NBEA: variants seen among roughly 807,000 people sequenced by gnomAD.
NBEA encodes neurobeachin.
In NBEA, 44 loss-of-function variants were observed where a neutral mutation model predicts 343.4. That is an observed-to-expected ratio of 0.13 (90% confidence interval 0.10 to 0.16). The LOEUF is 0.16. Among genes scored for constraint, NBEA ranks in the 10% least tolerant of loss-of-function variants. NBEA has a pLI of 1.00. For missense variants in NBEA, 2,555 were observed against 3,631.3 expected (o/e 0.70, Z 7.62); for synonymous variants, 1,175 against 1,238.7 (o/e 0.95, Z 1.08).
At chr13:35,504,753 C>T (rs1389221502) in intron 41 of NBEA, among the ~76,000 whole-genome samples, 3 of 151,884 alleles carry the variant, frequency 2.0e-5, no homozygotes, top group South Asian at 2.1e-4. Context: ...GGATTATAGG[C>T]GTGCCCCCAT....
chr13:35,215,503 G>A (rs1237209908), intron 33 of NBEA, among the ~76,000 whole-genome samples: 1 of 151,598 alleles, frequency 6.6e-6, no homozygotes, highest in African/African-American at 2.4e-5. Flanking sequence ...TATAGGAAAT[G>A]CAAATTAATT....
chr13:35,437,402 C>G (rs758433097), intron 39 of NBEA, among the ~76,000 whole-genome samples: 2 of 152,034 alleles, frequency 1.3e-5, no homozygotes, highest in Admixed American at 6.6e-5. Context: ...ATTATTAAAA[C>G]TTGGTTGACC....
intron 1 of NBEA, among the ~76,000 whole-genome samples, chr13:35,039,315 G>C (rs191482960): frequency 3.9e-5 from 6 of 152,240 alleles, no homozygotes; most frequent in Admixed American, 3.3e-4. Flanking sequence ...GTTAAAACCA[G>C]GTTCTGTGGG....
At chr13:35,222,559 AT>A (rs1360996290) in intron 33 of NBEA, among the ~76,000 whole-genome samples, 1 of 151,698 alleles carries the variant, frequency 6.6e-6, no homozygotes, top group African/African-American at 2.4e-5. Context: ...TTAATGGAGT[AT>A]TTTTTTTATT....
intron 1 of NBEA, among the ~76,000 whole-genome samples, chr13:34,981,352 A>G (rs2152506974): frequency 6.6e-6 from 1 of 152,288 alleles, no homozygotes; most frequent in Non-Finnish European, 1.5e-5. Context: ...TGATATGAAC[A>G]TTTGCATCTA....
At chr13:35,344,285 C>T (rs901724834) in intron 36 of NBEA, among the ~76,000 whole-genome samples, 4 of 151,740 alleles carry the variant, frequency 2.6e-5, no homozygotes, top group Non-Finnish European at 5.9e-5. Context: ...AATCTATTTG[C>T]GTAAAAGCTT....
intron 35 of NBEA, among the ~76,000 whole-genome samples, chr13:35,291,280 C>G (rs1272354592): frequency 6.6e-6 from 1 of 151,898 alleles, no homozygotes; most frequent in Non-Finnish European, 1.5e-5. Context: ...TTCCTAATTA[C>G]TGGCCTGAGG....
At chr13:35,587,292 C>CT (rs2081333420) in intron 46 of NBEA, among the ~76,000 whole-genome samples, 1 of 152,156 alleles carries the variant, frequency 6.6e-6, no homozygotes, top group Admixed American at 6.5e-5. Flanking sequence ...ATTTCTTAAG[C>CT]TACACAGTCA....
intron 49 of NBEA, among the ~76,000 whole-genome samples, chr13:35,639,505 G>C (rs999858485): frequency 6.6e-6 from 1 of 151,972 alleles, no homozygotes; most frequent in Non-Finnish European, 1.5e-5. Flanking sequence ...ATTGCAGGTG[G>C]AACAGAAAGA....
At chr13:35,580,985 A>G (rs575407833) in intron 45 of NBEA, among the ~76,000 whole-genome samples, 4 of 152,354 alleles carry the variant, frequency 2.6e-5, no homozygotes, top group Admixed American at 6.5e-5. Flanking sequence ...TCCTTTTTAA[A>G]GAATGTTTTG....
At chr13:35,322,186 G>A (rs559810798) in intron 36 of NBEA, among the ~76,000 whole-genome samples, 20 of 152,120 alleles carry the variant, frequency 1.3e-4, no homozygotes, top group African/African-American at 4.3e-4. Flanking sequence ...CTGCCCAAAC[G>A]GCTGTCCAGT....
chr13:35,530,174 C>T (rs1272645724), intron 41 of NBEA, among the ~76,000 whole-genome samples: 2 of 152,200 alleles, frequency 1.3e-5, no homozygotes, highest in Non-Finnish European at 2.9e-5. Context: ...TTTTTAATTA[C>T]TGTGTAAAAA....
chr13:35,081,806 C>G (rs117452175), intron 10 of NBEA, among the ~76,000 whole-genome samples: 6,951 of 151,704 alleles, frequency 0.046, 239 homozygotes, highest in Non-Finnish European at 0.067. Context: ...AAATACTTTG[C>G]GAAATTTATA....
At chr13:35,470,555 A>G (rs902115288) in intron 40 of NBEA, among the ~76,000 whole-genome samples, 3 of 152,212 alleles carry the variant, frequency 2.0e-5, no homozygotes, top group African/African-American at 7.2e-5. Context: ...GTTTTTAGCA[A>G]TGCCCAACAA....
intron 1 of NBEA, among the ~76,000 whole-genome samples, chr13:35,008,100 A>C (rs983422153): frequency 6.6e-6 from 1 of 152,068 alleles, no homozygotes; most frequent in African/African-American, 2.4e-5. Flanking sequence ...ACAGATTGTT[A>C]CAATCCAACT....
At chr13:34,961,396 G>A (rs750706522) in intron 1 of NBEA, among the ~76,000 whole-genome samples, 9 of 151,920 alleles carry the variant, frequency 5.9e-5, no homozygotes, top group Non-Finnish European at 1.2e-4. Context: ...TTTTGACTCA[G>A]TTATTCAGTG....
chr13:34,962,502 A>G (rs529774855), intron 1 of NBEA, among the ~76,000 whole-genome samples: 10 of 152,248 alleles, frequency 6.6e-5, no homozygotes, highest in African/African-American at 2.4e-4. Flanking sequence ...ACAAATTTAA[A>G]ATACATTTTA....
chr13:35,044,528 C>T (rs1168089538), intron 2 of NBEA, among the ~76,000 whole-genome samples: 2 of 151,450 alleles, frequency 1.3e-5, no homozygotes, highest in African/African-American at 2.4e-5. Flanking sequence ...TTGACAATAA[C>T]CAGTTTGCAA....
chr13:35,370,604 C>A (rs566838979), intron 38 of NBEA, among the ~76,000 whole-genome samples: 1 of 151,908 alleles, frequency 6.6e-6, no homozygotes, highest in Non-Finnish European at 1.5e-5. Flanking sequence ...TTTTGTATAT[C>A]CTTTGTTCCT....
Sources: gnomAD v4.1 joint callset for allele counts (sites outside exome capture counted in the v4.1 genomes callset) on GRCh38, gnomAD v4.1.1 for gene constraint, MANE v1.5 for transcripts, NCBI Gene and HGNC (gene_info 2026-07-23, HGNC 2026-07-21) for gene names.